ZMIZ1: variants seen among roughly 807,000 people sequenced by gnomAD.
The protein encoded by ZMIZ1 is zinc finger MIZ-type containing 1.
In ZMIZ1, 17 loss-of-function variants were observed where a neutral mutation model predicts 113.9. That is an observed-to-expected ratio of 0.15 (90% CI 0.10 to 0.22). The LOEUF is 0.22. Ranked by LOEUF, ZMIZ1 falls within the 10% of genes least tolerant of loss-of-function variation. The probability of loss-of-function intolerance (pLI) is 1.00; values close to 1 mark genes in which losing one functional copy is unlikely to be tolerated. For missense variants in ZMIZ1, 1,059 were observed against 1,477.8 expected (o/e 0.72, Z 4.65); for synonymous variants, 607 against 603.1 (o/e 1.01, Z -0.09).
intron 3 of ZMIZ1, among the ~76,000 whole-genome samples, chr10:79,156,253 G>A: frequency 6.6e-6 from 1 of 152,136 alleles, no homozygotes; most frequent in East Asian, 1.9e-4. Flanking sequence ...GGTGGGGAGG[G>A]TAGTTCAGAG....
intron 4 of ZMIZ1, among the ~76,000 whole-genome samples, chr10:79,176,154 G>T (rs925824058): frequency 1.3e-5 from 2 of 151,976 alleles, no homozygotes; most frequent in Admixed American, 6.5e-5. Context: ...GGCCCAACGG[G>T]CCAGGATGAC....
chr10:79,276,938 G>A (rs966429765), intron 7 of ZMIZ1, among the ~76,000 whole-genome samples: 1 of 152,022 alleles, frequency 6.6e-6, no homozygotes, highest in South Asian at 2.1e-4. Context: ...TCCTGCACGC[G>A]GGCCATTCTG....
intron 7 of ZMIZ1, among the ~76,000 whole-genome samples, chr10:79,260,261 G>C (rs951744038): frequency 6.6e-6 from 1 of 152,236 alleles, no homozygotes; most frequent in Non-Finnish European, 1.5e-5. Context: ...GGGAACCCTA[G>C]CCCTGGTAGA....
chr10:79,222,369 T>G (rs1002825663), intron 7 of ZMIZ1, among the ~76,000 whole-genome samples: 2 of 152,168 alleles, frequency 1.3e-5, no homozygotes, highest in African/African-American at 4.8e-5. Context: ...CCTTCTCTAT[T>G]GTCTCACACC....
At chr10:79,265,438 C>T (rs1295683107) in intron 7 of ZMIZ1, among the ~76,000 whole-genome samples, 1 of 150,786 alleles carries the variant, frequency 6.6e-6, no homozygotes, top group African/African-American at 2.4e-5. Context: ...GCAGCCCAAG[C>T]GCCAGCAGAC....
chr10:79,206,371 C>G (rs369769716), intron 5 of ZMIZ1, among the ~76,000 whole-genome samples: 1 of 152,204 alleles, frequency 6.6e-6, no homozygotes, highest in South Asian at 2.1e-4. Flanking sequence ...GCTCCTGCCC[C>G]TGCTAATTTG....
At chr10:79,282,258 T>G (rs973108422) in intron 8 of ZMIZ1, among the ~76,000 whole-genome samples, 1 of 152,264 alleles carries the variant, frequency 6.6e-6, no homozygotes, top group Non-Finnish European at 1.5e-5. Context: ...TCCTCCATAA[T>G]TTTATTGAAT....
chr10:79,177,880 T>G (rs1457546919), intron 4 of ZMIZ1, among the ~76,000 whole-genome samples: 1 of 152,210 alleles, frequency 6.6e-6, no homozygotes, highest in Non-Finnish European at 1.5e-5. Flanking sequence ...GTCATCCTGG[T>G]CATCATTCTA....
chr10:79,296,225 T>G lies in ZMIZ1; in HGVS notation c.1231-246T>G. The G allele has an allele frequency of 3.6e-6, 2 of 563,346 alleles. No individual in the cohort carries two copies. The highest frequency in any genetic ancestry group is 3.2e-6 in the Non-Finnish European group (1 of 314,962). 34.9% of individuals were successfully genotyped at this position (563,346 alleles called of 1,614,324 possible). On this transcript the variant is annotated intron_variant, in intron 12 of 24. Coordinates refer to ENST00000334512, the MANE Select transcript of ZMIZ1 (RefSeq NM_020338.4). This position sits in a 1 kb window ranked among gnomAD's most constrained non-coding sequence, Gnocchi z 4.1. ...AGAGGCTCTGAAAGTGTCCCTGGAG[T>G]TCAGGGGCACATGTGCTCCAGGAAG...
At chr10:79,303,916 A>AT in intron 18 of ZMIZ1, 99 bp from the exon 19 acceptor site, 2 of 1,510,198 alleles carry the variant, frequency 1.3e-6, no homozygotes, top group Non-Finnish European at 1.8e-6. Context: ...GAACCAGGAC[A>AT]TGCCCCAGCT....
chr10:79,104,950 G>GGGGGTGTGTGTGTGTGT (rs1190362797), intron 1 of ZMIZ1, among the ~76,000 whole-genome samples: 1 of 140,092 alleles, frequency 7.1e-6, no homozygotes, highest in African/African-American at 2.7e-5. Context: ...GTTGTTGTGG[G>GGGGGTGTGTGTGTGTGT]GTGTGTGTGT....
chr10:79,282,987 A>G (rs916265090), intron 8 of ZMIZ1, among the ~76,000 whole-genome samples: 3 of 152,050 alleles, frequency 2.0e-5, no homozygotes, highest in African/African-American at 7.3e-5. Context: ...AAGTCTTTCA[A>G]CCTCCTTCTT....
At position 79,298,519 on chromosome 10, in the gene ZMIZ1, C is replaced by A. The variant is rs766712362; in HGVS notation, c.1605C>A (p.Asp535Glu). 1 of 1,602,028 alleles carries A rather than the reference C, an allele frequency of 6.2e-7. No homozygotes were observed. Among genetic ancestry groups the A allele is most frequent in the Admixed American group, 1.7e-5 (1 of 58,202 alleles). The change falls in exon 15 of 25, where the codon GAC becomes GAA. Residue 535 changes from aspartate to glutamate, a missense_variant. Transcript: ENST00000334512. ...CTCCATACCTGTCCCCCAGCCAAGA[C>A]GTCAAACCACCCTTCCCGCCTGACA... ...SIPPYLSPSQ[D>E]VKPPFPPDIK...
At chr10:79,309,921 G>A (rs1348544906) in intron 23 of ZMIZ1, among the ~76,000 whole-genome samples, 1 of 152,160 alleles carries the variant, frequency 6.6e-6, no homozygotes, top group Admixed American at 6.5e-5. Context: ...TGCTTGCAGT[G>A]GGATCAGGGC....
chr10:79,160,848 C>G (rs780141175), intron 3 of ZMIZ1, among the ~76,000 whole-genome samples: 1 of 152,260 alleles, frequency 6.6e-6, no homozygotes, highest in Non-Finnish European at 1.5e-5. Context: ...GAGCTCAGCC[C>G]TGCAGTCAGG....
chr10:79,151,359 C>A (rs748171702), intron 3 of ZMIZ1, among the ~76,000 whole-genome samples: 1 of 152,240 alleles, frequency 6.6e-6, no homozygotes, highest in African/African-American at 2.4e-5. Context: ...TTGAATCAGC[C>A]TTTTCCCTGT....
intron 7 of ZMIZ1, among the ~76,000 whole-genome samples, chr10:79,244,891 C>G (rs1850097505): frequency 2.0e-5 from 3 of 152,178 alleles, no homozygotes; most frequent in Admixed American, 2.0e-4. Context: ...TGAAGCTTAT[C>G]TCCCATCTGC....
At chr10:79,094,355 A>C (rs1843100825) in intron 1 of ZMIZ1, among the ~76,000 whole-genome samples, 1 of 152,198 alleles carries the variant, frequency 6.6e-6, no homozygotes, top group Non-Finnish European at 1.5e-5. Context: ...AGCTGGAGCC[A>C]GAGCCAGATC....
At chr10:79,263,055 G>A (rs766919412) in intron 7 of ZMIZ1, among the ~76,000 whole-genome samples, 19 of 152,364 alleles carry the variant, frequency 1.2e-4, no homozygotes, top group East Asian at 1.9e-4. Flanking sequence ...GTTTTGGGTC[G>A]AGAACCCATC....
Sources: allele counts gnomAD v4.1 joint callset (sites outside exome capture counted in the v4.1 genomes callset), GRCh38; gene constraint gnomAD v4.1.1; non-coding constraint Gnocchi (gnomAD v3.1); transcripts MANE v1.5; gene names NCBI Gene and HGNC (gene_info 2026-07-23, HGNC 2026-07-21).